The following ACHE variants were observed in gnomAD, a reference collection of about 807,000 sequenced individuals.
The protein encoded by ACHE is acetylcholinesterase (Yt blood group).
Under a neutral mutation model 53.9 loss-of-function variants are expected in ACHE, and 19 were observed. The ratio of observed to expected loss-of-function variants is 0.35; its 90% confidence interval spans 0.25 to 0.52. The LOEUF (loss-of-function observed/expected upper bound fraction) is 0.52, where lower values mean the gene tolerates loss of function less well. Ranked by LOEUF, ACHE falls within the 20% of genes least tolerant of loss-of-function variation. The pLI is 0.95. For synonymous variants in ACHE, 392 were observed against 378.1 expected (o/e 1.04, Z -0.43); for missense variants, 605 against 849.4 (o/e 0.71, Z 3.58).
rs978945146 is a variant in ACHE, at chr7:100,892,949, C to T, written c.1069-131G>A. On this transcript the variant is annotated intron_variant, in intron 2 of 4. Coordinates refer to ENST00000241069, the MANE Select transcript of ACHE (RefSeq NM_000665.5). The surrounding 1 kb of genome is among the most constrained non-coding windows in gnomAD (Gnocchi z 5.2). ...CCCGGAACCATGGACAGAGAGAGGACGAGATCAGGGGAGGGATGCAGAGAA... is the reference window on the plus strand; with the variant it reads ...CCCGGAACCATGGACAGAGAGAGGATGAGATCAGGGGAGGGATGCAGAGAA... The T allele has an allele frequency of 2.2e-5, 28 of 1,300,470 alleles. No homozygotes were observed. The South Asian group carries it at 4.0e-4, about 18-fold the overall frequency. The allele number at this position is 1,300,470 out of a possible 1,614,324, so 80.6% of individuals were successfully genotyped here.
rs764891714 is a variant in ACHE, at chr7:100,893,320, G to T, written c.913C>A (p.Arg305=). 4 of 1,613,742 alleles carry T rather than the reference G, an allele frequency of 2.5e-6. No individual in the cohort carries two copies. In the East Asian group the frequency reaches 6.7e-5, roughly 27 times the overall value. The change falls in exon 2 of 5, where the codon CGG becomes AGG. Residue 305 remains arginine, a synonymous_variant. Coordinates refer to ENST00000241069, the MANE Select transcript of ACHE (RefSeq NM_000665.5). The part of the protein sequence containing the change: ...GNDTELVACL[R]TRPAQVLVNH... Reference sequence around the variant, plus strand: ...ACCAGGACCTGCGCTGGTCGTGTCCGAAGGCAGGCTACCAGCTCTGTGTCA... The same window carrying T: ...ACCAGGACCTGCGCTGGTCGTGTCCTAAGGCAGGCTACCAGCTCTGTGTCA...
intron 4 of ACHE, 73 bp downstream of exon 4, chr7:100,891,096 G>A: frequency 5.2e-6 from 8 of 1,546,130 alleles, no homozygotes; most frequent in African/African-American, 1.4e-5. Flanking sequence ...AGGCTAGGGG[G>A]AGAAGAGAGG....
In ACHE at chr7:100,891,336, T is replaced by C; in HGVS notation, c.1556A>G (p.Asp519Gly). Residue 519 changes from aspartate to glycine, a missense_variant and splice_region_variant, in exon 4 of 5, where the codon GAT (aspartate) becomes GGT (glycine). Asp to Gly is a moderately conservative substitution (Grantham distance 94). Coordinates refer to ENST00000241069, the MANE Select transcript of ACHE (RefSeq NM_000665.5). ...CTTGGGGTCTCGGGGCTCATTGGGA[T>C]CCCTGCGGAAGGAAGGGAAGGCTCA... ...RYWANFARTG[D>G]PNEPRDPKAP... 1 of 1,545,142 alleles carries C rather than the reference T, an allele frequency of 6.5e-7. No individual in the cohort carries two copies. Among genetic ancestry groups the C allele is most frequent in the Non-Finnish European group, 8.7e-7 (1 of 1,149,624 alleles).
In ACHE at chr7:100,892,958, G is replaced by C; in HGVS notation, c.1069-140C>G. 1 of 1,272,930 alleles carries C rather than the reference G, an allele frequency of 7.9e-7. No individual in the cohort carries two copies. Among genetic ancestry groups the C allele is most frequent in the Non-Finnish European group, 1.1e-6 (1 of 944,724 alleles). 78.9% of individuals were successfully genotyped at this position (1,272,930 alleles called of 1,614,324 possible). A position where few individuals can be genotyped will look rare whatever the true frequency, so the allele number is the denominator to read the frequency against. On this transcript the variant is annotated intron_variant, in intron 2 of 4. Coordinates refer to ENST00000241069, the MANE Select transcript of ACHE (RefSeq NM_000665.5). This position sits in a 1 kb window ranked among gnomAD's most constrained non-coding sequence, Gnocchi z 5.2. ...ATGGACAGAGAGAGGACGAGATCAG[G>C]GGAGGGATGCAGAGAAAGAGAAAAT...
At position 100,893,234 on chromosome 7, in the gene ACHE, C is replaced by T. The variant is rs1266214787; in HGVS notation, c.999G>A (p.Val333=). The change falls in exon 2 of 5, where the codon GTG becomes GTA. Residue 333 remains valine (V), a synonymous_variant. Transcript: ENST00000241069. ...TGTCACTGAGGAAGTCTCCATCTAC[C>T]ACAGGCACGAAGGAGAACCGGAAGA... ...ESVFRFSFVP[V]VDGDFLSDTP... The T allele has an allele frequency of 2.5e-6, 4 of 1,614,134 alleles. No individual in the cohort carries two copies. Among genetic ancestry groups the T allele is most frequent in the Non-Finnish European group, 3.4e-6 (4 of 1,180,032 alleles).
chr7:100,892,545 G>T lies in ACHE; in HGVS notation c.1342C>A (p.Arg448=). The change falls in exon 3 of 5, where the codon CGA becomes AGA. Residue 448 remains arginine (R), a synonymous_variant. Coordinates refer to ENST00000241069, the MANE Select transcript of ACHE (RefSeq NM_000665.5). The surrounding 1 kb of genome is among the most constrained non-coding windows in gnomAD (Gnocchi z 5.2). ...ACCCGGGCACCCTGGGCAGCCAGTC[G>T]CCCAGCCAGCTGGGCCACGGGGCAC... The part of the protein sequence containing the change: ...VVCPVAQLAG[R]LAAQGARVYA... The T allele has an allele frequency of 1.9e-6, 3 of 1,610,582 alleles. No homozygotes were observed. The highest frequency in any genetic ancestry group is 2.5e-6 in the Non-Finnish European group (3 of 1,177,660).
intron 1 of ACHE, among the ~76,000 whole-genome samples, chr7:100,894,657 C>G (rs943922081): frequency 8.2e-3 from 32 of 3,896 alleles, no homozygotes; most frequent in Non-Finnish European, 0.013. Context: ...GGGGAGCTTG[C>G]GGCGGCCTGA....
chr7:100,890,410 G>T, intron 4 of ACHE, 75 bp from the exon 5 acceptor site: 1 of 1,547,464 alleles, frequency 6.5e-7, no homozygotes, highest in Admixed American at 1.9e-5. Context: ...ATTTGGGCGG[G>T]TTGAAGGGGG....
Position 100,891,294 on chromosome 7 carries a change from G to A in ACHE, c.1598C>T (p.Pro533Leu), listed in dbSNP as rs1362672573. 1.9e-6 allele frequency: 3 copies of A among 1,599,216 alleles called. No individual in the cohort carries two copies. Among genetic ancestry groups the A allele is most frequent in the Admixed American group, 3.4e-5 (2 of 58,056 alleles). ...GTACTGCTGAGCCCCCGCCGTGTAC[G>A]GGGGCCATTGTGGGGCCTTGGGGTC... is the stretch of plus-strand genomic sequence containing the variant. ...PRDPKAPQWP[P>L]YTAGAQQYVS... Residue 533 changes from proline (P) to leucine (L), a missense_variant, in exon 4 of 5, where the codon CCG (proline) becomes CTG (leucine). Physicochemically the swap from Pro to Leu is moderately conservative, Grantham distance 98. Coordinates refer to ENST00000241069, the MANE Select transcript of ACHE (RefSeq NM_000665.5).
intron 4 of ACHE, 68 bp downstream of exon 4, chr7:100,891,101 G>C: frequency 6.4e-7 from 1 of 1,551,316 alleles, no homozygotes; most frequent in East Asian, 2.4e-5. Context: ...AGGGGGAGAA[G>C]AGAGGGGTTA....
intron 1 of ACHE, 141 bp from the exon 2 acceptor site, chr7:100,894,393 A>T: frequency 4.0e-6 from 2 of 501,150 alleles, no homozygotes; most frequent in South Asian, 8.6e-5. Flanking sequence ...GGAGAGAGGG[A>T]GGGAGGGAAG....
chr7:100,891,943 G>T (rs146392960), intron 3 of ACHE, among the ~76,000 whole-genome samples: 3 of 151,894 alleles, frequency 2.0e-5, no homozygotes, highest in Non-Finnish European at 4.4e-5. Flanking sequence ...ACCGTGCCTG[G>T]CTAAGTTTTG....
rs1209075385 is a variant in ACHE at position 100,892,378 on chromosome 7, G to A, written c.1509C>T (p.Phe503=). 8 of 1,515,370 alleles carry A rather than the reference G, an allele frequency of 5.3e-6. No homozygotes were observed. Among genetic ancestry groups the A allele is most frequent in the Middle Eastern group, 1.8e-4 (1 of 5,624 alleles). 93.9% of individuals were successfully genotyped at this position (1,515,370 alleles called of 1,614,324 possible). The change falls in exon 3 of 5, where the codon TTC becomes TTT. Residue 503 remains phenylalanine (F), a synonymous_variant. Transcript: ENST00000241069. The surrounding 1 kb of genome is among the most constrained non-coding windows in gnomAD (Gnocchi z 5.2). ...SRNYTAEEKI[F]AQRLMRYWAN... ...CCCAGTATCGCATCAGTCGCTGGGCGAAGATTTTCTCCTCTGCCGTGTAGT... is the reference window on the plus strand; with the variant it reads ...CCCAGTATCGCATCAGTCGCTGGGCAAAGATTTTCTCCTCTGCCGTGTAGT...
rs1292143140 is a variant in ACHE at position 100,893,643 on chromosome 7, T to C, written c.590A>G (p.Glu197Gly). 1 of 1,613,230 alleles carries C rather than the reference T, an allele frequency of 6.2e-7. No individual in the cohort carries two copies. Among genetic ancestry groups the C allele is most frequent in the Non-Finnish European group, 8.5e-7 (1 of 1,180,020 alleles). Residue 197 changes from glutamate (E) to glycine (G), a missense_variant, in exon 2 of 5, where the codon GAG (glutamate) becomes GGG (glycine). Around this residue, in one of 4 missense-constraint regions of ACHE, gnomAD observed 397 missense variants for 632.5 expected, o/e 0.63. Transcript: ENST00000241069. ...CAGGAGACCCACATTGCCCGGGGCC[T>C]CTCGGCTCCCCGGCAGGGCCAGGAA... is the stretch of plus-strand genomic sequence containing the variant. ...FGFLALPGSR[E>G]APGNVGLLDQ...
Position 100,890,168 on chromosome 7 carries a change from A to C in ACHE, c.*46T>G. 3.1e-6 allele frequency: 5 copies of C among 1,609,854 alleles called. No individual in the cohort carries two copies. The highest frequency in any genetic ancestry group is 4.2e-6 in the Non-Finnish European group (5 of 1,176,914). On this transcript the variant is annotated 3_prime_UTR_variant, in exon 5 of 5. Coordinates refer to ENST00000241069, the MANE Select transcript of ACHE (RefSeq NM_000665.5). ...CAGCCCTGAAATAAATAGTATATACAGCTAGGGGGCCGGGCGGAGCGGAGG... is the reference window on the plus strand; with the variant it reads ...CAGCCCTGAAATAAATAGTATATACCGCTAGGGGGCCGGGCGGAGCGGAGG...
In ACHE at chr7:100,893,399, C is replaced by T. The variant is rs775587409; in HGVS notation, c.834G>A (p.Arg278=). ...ATVGMGEARR[R]ATQLAHLVGC... is the part of the protein sequence containing the mutation. ...CCACAAGGTGGGCCAGCTGCGTGGC[C>T]CTGCGACGGGCCTCTCCCATGCCCA... is the stretch of plus-strand genomic sequence containing the variant. Residue 278 remains arginine (R), a synonymous_variant, in exon 2 of 5, where the codon AGG becomes AGA. Coordinates refer to ENST00000241069, the MANE Select transcript of ACHE (RefSeq NM_000665.5). 6 of 1,612,336 alleles carry T rather than the reference C, an allele frequency of 3.7e-6. No homozygotes were observed. The highest frequency in any genetic ancestry group is 8.5e-7 in the Non-Finnish European group (1 of 1,179,866).
rs17228616 is a variant in ACHE at position 100,890,100 on chromosome 7, G to T, written c.*114C>A. The T allele has an allele frequency of 0.051, 68,532 of 1,339,558 alleles. 3,218 individuals are homozygous for T. Among genetic ancestry groups the T allele is most frequent in the African/African-American group, 0.22 (15,551 of 69,268 alleles). The allele number at this position is 1,339,558 out of a possible 1,614,324, so 83.0% of individuals were successfully genotyped here. A position where few individuals can be genotyped will look rare whatever the true frequency, so the allele number is the denominator to read the frequency against. ...GGGAGCCCCGGGGGACGTCGGGGTG[G>T]GGTGGGGATGGGCAGAGTCTGGGGC... On this transcript the variant is annotated 3_prime_UTR_variant, in exon 5 of 5. Transcript: ENST00000241069.
chr7:100,890,612 G>A, intron 4 of ACHE: 3 of 1,379,418 alleles, frequency 2.2e-6, no homozygotes, highest in African/African-American at 1.5e-5. Context: ...AGGAGGGGGA[G>A]GTTGGGGGAA....
rs534836814 is a variant in ACHE at position 100,892,012 on chromosome 7, T to C, written c.1553+322A>G. The stretch of plus-strand genomic sequence containing the variant: ...TATGTTGTCCAGTCTGGTCTCAAAC[T>C]CCTGGCCTCAGGGGATCCTCCCACC... On this transcript the variant is annotated intron_variant, in intron 3 of 4. Transcript: ENST00000241069. The surrounding 1 kb of genome is among the most constrained non-coding windows in gnomAD (Gnocchi z 5.2). Among the ~76,000 whole-genome samples the C allele has an allele frequency of 2.0e-5, 3 of 151,948 alleles. No individual in the cohort carries two copies. Among genetic ancestry groups the C allele is most frequent in the Middle Eastern group, 3.4e-3 (1 of 294 alleles).
Sources: gnomAD v4.1 joint callset for allele counts (sites outside exome capture counted in the v4.1 genomes callset) on GRCh38, gnomAD v4.1.1 for gene constraint, gnomAD v4.1.1 regional missense constraint, Gnocchi (gnomAD v3.1) non-coding constraint, MANE v1.5 for transcripts, NCBI Gene and HGNC (gene_info 2026-07-23, HGNC 2026-07-21) for gene names.